Variants in LRP2 observed in about 807,000 individuals in gnomAD.
LRP2 encodes the protein low-density lipoprotein receptor-related protein 2.
In LRP2, 172 loss-of-function variants were observed where a neutral mutation model predicts 531.0. The observed-to-expected ratio is 0.32, with a 90% CI of 0.29 to 0.37. The LOEUF (loss-of-function observed/expected upper bound fraction) is 0.37, where lower values mean the gene tolerates loss of function less well. LRP2 is among the 10% of genes least tolerant of loss of function. The probability of loss-of-function intolerance (pLI) is 1.00; values close to 1 mark genes in which losing one functional copy is unlikely to be tolerated. For synonymous variants in LRP2, 1,992 were observed against 2,027.6 expected (o/e 0.98, Z 0.47); for missense variants, 5,167 against 5,868.3 (o/e 0.88, Z 3.90).
intron 3 of LRP2, among the ~76,000 whole-genome samples, chr2:169,312,849 G>A (rs1311506534): frequency 5.9e-5 from 9 of 152,286 alleles, no homozygotes; most frequent in South Asian, 4.1e-4. Context: ...ACAATCAGAC[G>A]TAGATTTGGT....
At chr2:169,303,195 A>T (rs1684328929) in intron 4 of LRP2, among the ~76,000 whole-genome samples, 1 of 152,178 alleles carries the variant, frequency 6.6e-6, no homozygotes, top group Non-Finnish European at 1.5e-5. Context: ...TGTTAAAAAA[A>T]ACCTTCCATA....
Position 169,206,570 on chromosome 2 carries a change from T to A in LRP2, c.7150A>T (p.Ile2384Phe), listed in dbSNP as rs950654763. ...TLQSDGKNCA[I>F]STENFLIFAL... ...AAGATGAGGAAATTTTCTGTTGAAA[T>A]GGCACAATTCTTGCCATCACTTTGC... The change falls in exon 39 of 79, where the codon ATT (isoleucine) becomes TTT (phenylalanine). Residue 2384 changes from isoleucine to phenylalanine, a missense_variant. Physicochemically the swap from Ile to Phe is conservative, Grantham distance 21. This residue lies in a region of LRP2 where 2,811 missense variants were observed against 3,058.0 expected (regional missense o/e 0.92). Coordinates refer to ENST00000649046, the MANE Select transcript of LRP2 (RefSeq NM_004525.3). 1 of 1,614,200 alleles carries A rather than the reference T, an allele frequency of 6.2e-7. No individual in the cohort carries two copies. Among genetic ancestry groups the A allele is most frequent in the Non-Finnish European group, 8.5e-7 (1 of 1,180,038 alleles).
chr2:169,191,046 A>C (rs955753693), intron 48 of LRP2, among the ~76,000 whole-genome samples: 2 of 152,220 alleles, frequency 1.3e-5, no homozygotes, highest in Non-Finnish European at 2.9e-5. Context: ...TGTGAGCCGA[A>C]TCTGTTTGAT....
rs137904820 is a variant in LRP2 at position 169,216,295 on chromosome 2, G to T, written c.5784C>A (p.Ile1928=). The T allele has an allele frequency of 1.9e-6, 3 of 1,613,418 alleles. No homozygotes were observed. The highest frequency in any genetic ancestry group is 2.5e-6 in the Non-Finnish European group (3 of 1,179,642). The change falls in exon 35 of 79, where the codon ATC becomes ATA. Residue 1928 remains isoleucine (I), a synonymous_variant. Transcript: ENST00000649046. ...CTGCCCAGTAGAGTTTCTGCTCTTC[G>T]ATGTCAAGAGTGACACACTCCAGGT... The part of the protein sequence containing the change: ...LEHLECVTLD[I]EEQKLYWAVT...
intron 21 of LRP2, among the ~76,000 whole-genome samples, 199 bp downstream of exon 21, chr2:169,246,506 C>T (rs973965588): frequency 2.0e-5 from 3 of 152,182 alleles, no homozygotes; most frequent in Admixed American, 6.5e-5. Flanking sequence ...TAGTCTAAAT[C>T]AAGGCCAGAA....
intron 24 of LRP2, 107 bp from the exon 25 acceptor site, chr2:169,241,472 A>C (rs1279816754): frequency 7.7e-6 from 9 of 1,170,106 alleles, no homozygotes; most frequent in Non-Finnish European, 1.1e-5. Context: ...GGTTTATAGT[A>C]ACAACTATGA....
At position 169,362,452 on chromosome 2, in the gene LRP2, T is replaced by A; in HGVS notation, c.-53A>T. ...TCCTTCCCCGGGAGGTGGGCGCGCG[T>A]AGCACACCGCACCGGCAGCGCCTCT... On this transcript the variant is annotated 5_prime_UTR_variant, in exon 1 of 79. Transcript: ENST00000649046. The A allele has an allele frequency of 1.4e-6, 2 of 1,435,042 alleles. No homozygotes were observed. The highest frequency in any genetic ancestry group is 2.4e-5 in the South Asian group (2 of 81,962). 88.9% of individuals were successfully genotyped at this position (1,435,042 alleles called of 1,614,324 possible). A position where few individuals can be genotyped will look rare whatever the true frequency, so the allele number is the denominator to read the frequency against.
Position 169,168,532 on chromosome 2 carries a change from C to T in LRP2, c.11635+7G>A, listed in dbSNP as rs1469523141. 1.9e-6 allele frequency: 3 copies of T among 1,614,030 alleles called. No individual in the cohort carries two copies. The highest frequency in any genetic ancestry group is 2.5e-6 in the Non-Finnish European group (3 of 1,179,934). On this transcript the variant is annotated splice_region_variant and intron_variant, in intron 61 of 78. Coordinates refer to ENST00000649046, the MANE Select transcript of LRP2 (RefSeq NM_004525.3). ...ACTCCCATTCACTCCGTTTCTCTCC[C>T]TCTTACAGCACAGGTGAAGTTCTTC...
chr2:169,179,731 A>G (rs944997048), intron 52 of LRP2, among the ~76,000 whole-genome samples: 1 of 148,928 alleles, frequency 6.7e-6, no homozygotes, highest in Non-Finnish European at 1.5e-5. Context: ...AAAAAAAAAA[A>G]GTAAGAGTAG....
chr2:169,265,484 C>A (rs1007948078), intron 16 of LRP2, among the ~76,000 whole-genome samples: 2 of 151,962 alleles, frequency 1.3e-5, no homozygotes, highest in Non-Finnish European at 2.9e-5. Flanking sequence ...GAAAAGGAAT[C>A]CAGAGAAAAT....
chr2:169,168,445 A>G, intron 61 of LRP2, 94 bp downstream of exon 61: 2 of 1,484,722 alleles, frequency 1.3e-6, no homozygotes, highest in African/African-American at 1.4e-5. Context: ...AAACAATTGT[A>G]CAACTGCTCT....
chr2:169,246,186 C>T (rs1386089376), intron 21 of LRP2, among the ~76,000 whole-genome samples: 1 of 151,534 alleles, frequency 6.6e-6, no homozygotes, highest in Non-Finnish European at 1.5e-5. Flanking sequence ...TCATCTATTT[C>T]TTTTTTATTT....
At position 169,170,653 on chromosome 2, in the gene LRP2, T is replaced by C; in HGVS notation, c.11278A>G (p.Thr3760Ala). The C allele has an allele frequency of 6.2e-7, 1 of 1,613,332 alleles. No individual in the cohort carries two copies. The highest frequency in any genetic ancestry group is 8.5e-7 in the Non-Finnish European group (1 of 1,179,318). Residue 3760 changes from threonine (T) to alanine (A), a missense_variant, in exon 59 of 79, where the codon ACA (threonine) becomes GCA (alanine). By Grantham distance (58) the Thr-to-Ala change is moderately conservative. Transcript: ENST00000649046. ...TTGACACATCGAAACTCGCTCTCTGTGCACTCCCGGGGAGCTGGAAAGGAA... is the reference window on the plus strand; with the variant it reads ...TTGACACATCGAAACTCGCTCTCTGCGCACTCCCGGGGAGCTGGAAAGGAA... ...DEENCAPREC[T>A]ESEFRCVNQQ...
chr2:169,216,218 G>A, intron 35 of LRP2, 35 bp downstream of exon 35: 8 of 1,607,272 alleles, frequency 5.0e-6, no homozygotes, highest in Non-Finnish European at 6.8e-6. Flanking sequence ...CACCAGCTCA[G>A]CATAAAGACC....
At chr2:169,243,550 A>G (rs764814284) in intron 22 of LRP2, 28 bp from the exon 23 acceptor site, 1 of 1,613,476 alleles carries the variant, frequency 6.2e-7, no homozygotes, top group South Asian at 1.1e-5. Flanking sequence ...CAAAACCAAC[A>G]AGTTTATTTC....
intron 4 of LRP2, among the ~76,000 whole-genome samples, chr2:169,296,042 G>A (rs1048601095): frequency 3.9e-5 from 6 of 152,004 alleles, no homozygotes; most frequent in African/African-American, 1.4e-4. Flanking sequence ...ATAGTCCCAA[G>A]TCTTTTCAAG....
chr2:169,323,261 C>T (rs550649944), intron 1 of LRP2, among the ~76,000 whole-genome samples: 1 of 152,264 alleles, frequency 6.6e-6, no homozygotes, highest in African/African-American at 2.4e-5. Context: ...TTCACCTTTT[C>T]AGTAGTAACT....
Position 169,198,879 on chromosome 2 carries a change from A to G in LRP2, c.8485T>C (p.Cys2829Arg). The G allele has an allele frequency of 6.2e-7, 1 of 1,613,902 alleles. No individual in the cohort carries two copies. Among genetic ancestry groups the G allele is most frequent in the Non-Finnish European group, 8.5e-7 (1 of 1,179,846 alleles). Residue 2829 changes from cysteine (C) to arginine (R), a missense_variant, in exon 45 of 79, where the codon TGT becomes CGT. By Grantham distance (180) the Cys-to-Arg change is radical. Transcript: ENST00000649046. ...DRTCQSGYTK[C>R]HNSNICIPRV... is the part of the protein sequence containing the mutation. The stretch of plus-strand genomic sequence containing the variant: ...GGAATACAAATATTTGAATTATGAC[A>G]TTTTGTGTATCCAGACTGGCAAGTG...
chr2:169,221,616 A>G (rs1574148812), intron 33 of LRP2, among the ~76,000 whole-genome samples: 1 of 152,342 alleles, frequency 6.6e-6, no homozygotes, highest in African/African-American at 2.4e-5. Flanking sequence ...TTGCTTTTCA[A>G]TACAAATAGA....
Sources: gnomAD v4.1 joint callset for allele counts (sites outside exome capture counted in the v4.1 genomes callset) on GRCh38, gnomAD v4.1.1 for gene constraint, gnomAD v4.1.1 regional missense constraint, MANE v1.5 for transcripts, NCBI Gene and HGNC (gene_info 2026-07-23, HGNC 2026-07-21) for gene names.